The following SHANK1 variants were observed in gnomAD, a reference collection of about 807,000 sequenced individuals.
SHANK1 encodes the protein SH3 and multiple ankyrin repeat domains protein 1.
SHANK1 carries 35 observed loss-of-function variants against 165.6 expected under a neutral mutation model. The observed-to-expected ratio is 0.21, with a 90% CI of 0.16 to 0.28. SHANK1 has a LOEUF of 0.28. Ranked by LOEUF, SHANK1 falls within the 10% of genes least tolerant of loss-of-function variation. SHANK1 has a pLI of 1.00. For synonymous variants in SHANK1, 1,428 were observed against 1,384.8 expected, an observed-to-expected ratio of 1.03 and a Z score of -0.69; for missense variants, 2,681 against 3,036.4, an observed-to-expected ratio of 0.88 and a Z score of 2.75.
chr19:50,716,935 C>T lies in SHANK1; in HGVS notation c.-16G>A, dbSNP rs754957340. 11 of 1,413,986 alleles carry T rather than the reference C, an allele frequency of 7.8e-6. No homozygotes were observed. Among genetic ancestry groups the T allele is most frequent in the Non-Finnish European group, 8.3e-6 (9 of 1,084,464 alleles). 87.6% of individuals were successfully genotyped at this position (1,413,986 alleles called of 1,614,324 possible). A position where few individuals can be genotyped will look rare whatever the true frequency, so the allele number is the denominator to read the frequency against. On this transcript the variant is annotated 5_prime_UTR_variant, in exon 2 of 24. Transcript: ENST00000293441. This position sits in a 1 kb window ranked among gnomAD's most constrained non-coding sequence, Gnocchi z 8.4. ...TGTGGGTCATTGTGGGGCCACGGGG[C>T]GACGGGGGACGGCAGCATCACAGGC...
chr19:50,707,896 C>CTT (rs1352350638), intron 8 of SHANK1, among the ~76,000 whole-genome samples: 3 of 11,046 alleles, frequency 2.7e-4, no homozygotes, highest in South Asian at 3.6e-3. Flanking sequence ...CTTTTCTTTT[C>CTT]TTTTCTTTTC....
intron 12 of SHANK1, among the ~76,000 whole-genome samples, chr19:50,698,995 A>G (rs1157590593): frequency 1.3e-5 from 2 of 152,234 alleles, no homozygotes; most frequent in Non-Finnish European, 2.9e-5. Context: ...TTATAGACAA[A>G]GAAGCTGAAG....
Position 50,686,700 on chromosome 19 carries a change from G to A in SHANK1, c.2458+44C>T. 6.3e-7 allele frequency: 1 copy of A among 1,589,206 alleles called. No homozygotes were observed. The highest frequency in any genetic ancestry group is 1.3e-5 in the African/African-American group (1 of 74,404). On this transcript the variant is annotated intron_variant, in intron 20 of 23. Transcript: ENST00000293441. The surrounding 1 kb of genome is among the most constrained non-coding windows in gnomAD (Gnocchi z 5.7). ...GGGACAGGGATGCAGCGGGTGCCGG[G>A]GCTGGGGCCCGGCATCCCGAGGAGC...
At chr19:50,695,305 G>A (rs1212150950) in intron 15 of SHANK1, among the ~76,000 whole-genome samples, 3 of 148,374 alleles carry the variant, frequency 2.0e-5, no homozygotes, top group South Asian at 4.2e-4. Flanking sequence ...CGCGAGGACC[G>A]CGGACGGCGC....
chr19:50,701,660 G>A (rs1185970182), intron 12 of SHANK1, among the ~76,000 whole-genome samples: 1 of 152,158 alleles, frequency 6.6e-6, no homozygotes, highest in Non-Finnish European at 1.5e-5. Flanking sequence ...GGTGGGGTCT[G>A]GATTTGAACC....
intron 10 of SHANK1, 57 bp downstream of exon 10, chr19:50,704,063 C>G: frequency 6.4e-7 from 1 of 1,569,614 alleles, no homozygotes; most frequent in South Asian, 1.1e-5. Flanking sequence ...CCCCATCCCA[C>G]CATGAAACCT....
At position 50,661,851 on chromosome 19, in the gene SHANK1, G is replaced by T; in HGVS notation, c.*114C>A. 1 of 1,203,742 alleles carries T rather than the reference G, an allele frequency of 8.3e-7. No individual in the cohort carries two copies. Among genetic ancestry groups the T allele is most frequent in the Non-Finnish European group, 1.2e-6 (1 of 839,128 alleles). 74.6% of individuals were successfully genotyped at this position (1,203,742 alleles called of 1,614,324 possible). A position where few individuals can be genotyped will look rare whatever the true frequency, so the allele number is the denominator to read the frequency against. On this transcript the variant is annotated 3_prime_UTR_variant, in exon 24 of 24. Transcript: ENST00000293441. ...TGGCCTTGGGAGATGAGGGCAGGGC[G>T]CAGTTTGAACAGAGTCCCTGGCCCG... is the stretch of plus-strand genomic sequence containing the variant.
intron 8 of SHANK1, among the ~76,000 whole-genome samples, chr19:50,708,309 G>T (rs1199919519): frequency 1.3e-5 from 2 of 152,108 alleles, no homozygotes; most frequent in African/African-American, 4.8e-5. Flanking sequence ...CAGCCCCTAA[G>T]GTCACCTGCT....
intron 21 of SHANK1, among the ~76,000 whole-genome samples, chr19:50,673,881 C>T (rs1467116493): frequency 6.6e-6 from 1 of 150,418 alleles, no homozygotes; most frequent in Non-Finnish European, 1.5e-5. Context: ...GCAGCCTTGG[C>T]CTCCCGGGCC....
At chr19:50,675,646 C>G (rs953275940) in intron 21 of SHANK1, among the ~76,000 whole-genome samples, 2 of 152,122 alleles carry the variant, frequency 1.3e-5, no homozygotes, top group South Asian at 4.1e-4. Flanking sequence ...AGCATAAATT[C>G]GTAAAATATA....
At chr19:50,695,891 C>T (rs1381979274) in intron 15 of SHANK1, among the ~76,000 whole-genome samples, 2 of 152,168 alleles carry the variant, frequency 1.3e-5, no homozygotes, top group African/African-American at 2.4e-5. Flanking sequence ...GAGGGGGCGG[C>T]ACACGCCAGG....
In SHANK1 at chr19:50,704,524, A is replaced by G; in HGVS notation, c.1078-10T>C. The G allele has an allele frequency of 6.2e-7, 1 of 1,613,020 alleles. No homozygotes were observed. Among genetic ancestry groups the G allele is most frequent in the Non-Finnish European group, 8.5e-7 (1 of 1,179,088 alleles). ...TCCTGGCACAGGTCTCCTGCGGGTA[A>G]TGGCCAGTGGCACAGGACAAAGAGA... On this transcript the variant is annotated splice_polypyrimidine_tract_variant and intron_variant, in intron 8 of 23. Coordinates refer to ENST00000293441, the MANE Select transcript of SHANK1 (RefSeq NM_016148.5).
chr19:50,696,358 G>A (rs1033341315), intron 15 of SHANK1, among the ~76,000 whole-genome samples: 1 of 152,096 alleles, frequency 6.6e-6, no homozygotes, highest in African/African-American at 2.4e-5. Context: ...AGACACTCGG[G>A]GCGCAGGGTG....
In SHANK1 at chr19:50,689,182, C is replaced by T; in HGVS notation, c.2047+15G>A. ...ACAGAGCCCTTCTCCCATCCCCTCC[C>T]CGGCTGGCACTCACCCTTGGCCCCC... On this transcript the variant is annotated intron_variant, in intron 16 of 23. Transcript: ENST00000293441. 1.3e-6 allele frequency: 2 copies of T among 1,598,562 alleles called. No homozygotes were observed. The highest frequency in any genetic ancestry group is 1.7e-6 in the Non-Finnish European group (2 of 1,167,006).
rs1985136071 is a variant in SHANK1, at chr19:50,660,072, T to A, written c.*1893A>T. ...GGGGTAGGGGGCAGCAGAGGGGGAA[T>A]GGGCTTGGGGAAGGAGGGGGAGCTC... On this transcript the variant is annotated 3_prime_UTR_variant, in exon 24 of 24. Coordinates refer to ENST00000293441, the MANE Select transcript of SHANK1 (RefSeq NM_016148.5). 6.9e-6 allele frequency among the ~76,000 whole-genome samples: 1 copy of A among 145,982 alleles called. No individual in the cohort carries two copies. Among genetic ancestry groups the A allele is most frequent in the Admixed American group, 6.7e-5 (1 of 14,866 alleles).
chr19:50,666,157 C>A (rs1985498375), intron 23 of SHANK1, 35 bp downstream of exon 23: 3 of 1,524,170 alleles, frequency 2.0e-6, no homozygotes, highest in Non-Finnish European at 1.8e-6. Flanking sequence ...ATCAACACCT[C>A]TGGCCTCCCT....
chr19:50,696,775 T>A (rs773028469), intron 15 of SHANK1, among the ~76,000 whole-genome samples: 1 of 152,110 alleles, frequency 6.6e-6, no homozygotes, highest in Non-Finnish European at 1.5e-5. Flanking sequence ...TGTCCATGTG[T>A]GTGAGCAGAC....
At chr19:50,695,084 C>T (rs1474007320) in intron 15 of SHANK1, among the ~76,000 whole-genome samples, 8 of 146,342 alleles carry the variant, frequency 5.5e-5, no homozygotes, top group Non-Finnish European at 3.0e-5. Context: ...GTGCCGGCCG[C>T]CCCCGCCGCC....
Position 50,660,273 on chromosome 19 carries a change from G to A in SHANK1, c.*1692C>T, listed in dbSNP as rs1568423132. Among the ~76,000 whole-genome samples, 1 of 152,042 alleles carries A rather than the reference G, an allele frequency of 6.6e-6. No individual in the cohort carries two copies. Among genetic ancestry groups the A allele is most frequent in the African/African-American group, 2.4e-5 (1 of 41,410 alleles). On this transcript the variant is annotated 3_prime_UTR_variant, in exon 24 of 24. Transcript: ENST00000293441. ...AACAGCCATGCTGGAGGGAGAGGGA[G>A]CTTCTTGGAGTGGACAGGTTAGGAG...
Sources: gnomAD v4.1 joint callset for allele counts (sites outside exome capture counted in the v4.1 genomes callset) on GRCh38, gnomAD v4.1.1 for gene constraint, Gnocchi (gnomAD v3.1) non-coding constraint, MANE v1.5 for transcripts, NCBI Gene and HGNC (gene_info 2026-07-23, HGNC 2026-07-21) for gene names.